Variants in FAM24B observed in about 807,000 individuals in gnomAD.
The protein encoded by FAM24B is family with sequence similarity 24 member B.
Under a neutral mutation model 2.3 loss-of-function variants are expected in FAM24B, and 3 were observed. That is an observed-to-expected ratio of 1.29 (90% CI 0.59 to 3.32). The LOEUF is 3.32. Among genes scored for constraint, FAM24B ranks in the 30% most tolerant of loss-of-function variants. The pLI is 0.03. For synonymous variants in FAM24B, 36 were observed against 46.3 expected (o/e 0.78, Z 0.90); for missense variants, 98 against 117.2 (o/e 0.84, Z 0.76).
At chr10:122,866,746 G>A (rs1207411103) in intron 1 of FAM24B, among the ~76,000 whole-genome samples, 1 of 152,074 alleles carries the variant, frequency 6.6e-6, no homozygotes, top group Non-Finnish European at 1.5e-5. Context: ...GTACTCCACT[G>A]ACTGCCATTC....
intron 1 of FAM24B, among the ~76,000 whole-genome samples, chr10:122,876,371 GAGA>G (rs1231966383): frequency 1.3e-5 from 2 of 152,206 alleles, no homozygotes; most frequent in African/African-American, 4.8e-5. Context: ...TTTCCCTTGA[GAGA>G]AGGCTTTTGT....
chr10:122,863,375 G>C (rs1847755357), intron 1 of FAM24B, among the ~76,000 whole-genome samples: 1 of 152,144 alleles, frequency 6.6e-6, no homozygotes, highest in African/African-American at 2.4e-5. Context: ...TGGAGGTTAG[G>C]AATTTGTCCA....
chr10:122,855,919 C>A (rs1847630239), intron 1 of FAM24B, 133 bp from the exon 2 acceptor site: 2 of 152,228 alleles, frequency 1.3e-5, no homozygotes, highest in African/African-American at 2.4e-5. Flanking sequence ...GAGTTAAACA[C>A]CCGATAGTAA....
intron 2 of FAM24B, among the ~76,000 whole-genome samples, chr10:122,852,250 A>G (rs888921379): frequency 3.9e-5 from 6 of 152,146 alleles, no homozygotes; most frequent in African/African-American, 1.4e-4. Context: ...CCCAAAACTA[A>G]AGAGAGAGGT....
chr10:122,876,047 A>G (rs770493791), intron 1 of FAM24B, among the ~76,000 whole-genome samples: 6 of 152,266 alleles, frequency 3.9e-5, no homozygotes, highest in Non-Finnish European at 8.8e-5. Context: ...GCATGTCAAC[A>G]TGTAAGACCC....
intron 1 of FAM24B, among the ~76,000 whole-genome samples, chr10:122,873,677 T>C (rs1255752590): frequency 6.6e-6 from 1 of 152,234 alleles, no homozygotes; most frequent in Non-Finnish European, 1.5e-5. Context: ...TGTGCCTATA[T>C]ATTGCTCTTC....
At chr10:122,863,279 C>G (rs951103526) in intron 1 of FAM24B, among the ~76,000 whole-genome samples, 1 of 152,188 alleles carries the variant, frequency 6.6e-6, no homozygotes, top group Non-Finnish European at 1.5e-5. Flanking sequence ...ATTTCATTCT[C>G]TTAAGAGACC....
chr10:122,873,379 T>G (rs1188878640), intron 1 of FAM24B, among the ~76,000 whole-genome samples: 2 of 152,236 alleles, frequency 1.3e-5, no homozygotes, highest in African/African-American at 4.8e-5. Context: ...AAAACCAGGA[T>G]GACAACACAT....
At chr10:122,850,282 G>A (rs1847505970) in intron 3 of FAM24B, 142 bp downstream of exon 3, 1 of 685,184 alleles carries the variant, frequency 1.5e-6, no homozygotes, top group Non-Finnish European at 2.7e-6. Flanking sequence ...TGTTCTTCTT[G>A]ACTTCACCCA....
intron 1 of FAM24B, among the ~76,000 whole-genome samples, chr10:122,869,271 C>T (rs1847852831): frequency 6.6e-6 from 1 of 152,154 alleles, no homozygotes; most frequent in Admixed American, 6.5e-5. Flanking sequence ...CAGGAGCACC[C>T]AGATTCATAA....
At chr10:122,861,679 G>C (rs760965542) in intron 1 of FAM24B, among the ~76,000 whole-genome samples, 19 of 152,088 alleles carry the variant, frequency 1.2e-4, no homozygotes, top group Non-Finnish European at 2.5e-4. Flanking sequence ...ATACCTAAAT[G>C]CTTCTTTAAC....
intron 1 of FAM24B, among the ~76,000 whole-genome samples, chr10:122,876,630 T>A (rs1391855654): frequency 6.6e-6 from 1 of 152,224 alleles, no homozygotes; most frequent in Non-Finnish European, 1.5e-5. Context: ...ATTTGCTGCC[T>A]CATGAGGATT....
chr10:122,866,989 G>C (rs1322916757), intron 1 of FAM24B, among the ~76,000 whole-genome samples: 1 of 152,152 alleles, frequency 6.6e-6, no homozygotes, highest in African/African-American at 2.4e-5. Context: ...TACCAAGTTG[G>C]AATGCAAATG....
At position 122,850,628 on chromosome 10, in the gene FAM24B, A is replaced by G; in HGVS notation, c.-35-78T>C. 3 of 757,548 alleles carry G rather than the reference A, an allele frequency of 4.0e-6. No homozygotes were observed. The South Asian group carries it at 4.3e-5, about 11-fold the overall frequency. 46.9% of individuals were successfully genotyped at this position (757,548 alleles called of 1,614,324 possible). A position where few individuals can be genotyped will look rare whatever the true frequency, so the allele number is the denominator to read the frequency against. Reference sequence around the variant, plus strand: ...ACAACCACTAAGCAATGCCAATGTCAGGGGAGGAAGAAGAAACCCCAAACA... The same window carrying G: ...ACAACCACTAAGCAATGCCAATGTCGGGGGAGGAAGAAGAAACCCCAAACA... On this transcript the variant is annotated intron_variant, in intron 2 of 3. Coordinates refer to ENST00000368898, the MANE Select transcript of FAM24B (RefSeq NM_152644.3).
chr10:122,851,237 T>G (rs777746537), intron 2 of FAM24B, among the ~76,000 whole-genome samples: 1 of 152,174 alleles, frequency 6.6e-6, no homozygotes, highest in Non-Finnish European at 1.5e-5. Flanking sequence ...TACCACCTTC[T>G]AACTCCTCAT....
chr10:122,860,616 C>T (rs570997967), intron 1 of FAM24B, among the ~76,000 whole-genome samples: 1 of 152,304 alleles, frequency 6.6e-6, no homozygotes, highest in South Asian at 2.1e-4. Context: ...GTGCTTGTAT[C>T]ATTTTTTATT....
At chr10:122,857,100 A>G (rs1207310895) in intron 1 of FAM24B, among the ~76,000 whole-genome samples, 2 of 152,202 alleles carry the variant, frequency 1.3e-5, no homozygotes, top group Non-Finnish European at 2.9e-5. Flanking sequence ...ACTCCAAAGC[A>G]GTTTACTTCT....
intron 1 of FAM24B, among the ~76,000 whole-genome samples, chr10:122,865,485 A>G (rs935671824): frequency 6.6e-6 from 1 of 152,150 alleles, no homozygotes; most frequent in Non-Finnish European, 1.5e-5. Flanking sequence ...TGGTGTTGAT[A>G]TATAATACTT....
chr10:122,877,036 A>G (rs1847986093), intron 1 of FAM24B, among the ~76,000 whole-genome samples: 1 of 152,238 alleles, frequency 6.6e-6, no homozygotes, highest in African/African-American at 2.4e-5. Flanking sequence ...AAAACAGTCA[A>G]GCCAAAAAAA....
Sources: allele counts gnomAD v4.1 joint callset (sites outside exome capture counted in the v4.1 genomes callset), GRCh38; gene constraint gnomAD v4.1.1; transcripts MANE v1.5; gene names NCBI Gene and HGNC (gene_info 2026-07-23, HGNC 2026-07-21).